TPM1: variants seen among roughly 807,000 people sequenced by gnomAD.
TPM1 encodes tropomyosin alpha-1 chain.
Under a neutral mutation model 42.9 loss-of-function variants are expected in TPM1, and 24 were observed. That is an observed-to-expected ratio of 0.56 (90% confidence interval 0.41 to 0.79). The LOEUF (loss-of-function observed/expected upper bound fraction) is 0.79. TPM1 is among the 30% of genes least tolerant of loss of function. TPM1 has a pLI of 0.00. For synonymous variants in TPM1, 136 were observed against 130.1 expected (o/e 1.05, Z -0.31); for missense variants, 158 against 351.8 (o/e 0.45, Z 4.41).
At chr15:63,071,512 C>G (rs935546326) in exon 9 of TPM1, 3 of 359,294 alleles carry the variant, frequency 8.3e-6, no homozygotes, top group African/African-American at 6.4e-5. Flanking sequence ...ATGTTGGAAA[C>G]ACAATCAGGT....
chr15:63,064,528 T>G lies in TPM1; in HGVS notation c.851+386T>G, dbSNP rs988222095. 2.8e-6 allele frequency: 3 copies of G among 1,079,332 alleles called. No homozygotes were observed. In the African/African-American group the frequency reaches 5.0e-5, roughly 18 times the overall value. 66.9% of individuals were successfully genotyped at this position (1,079,332 alleles called of 1,614,324 possible). On this transcript the variant is annotated intron_variant, in intron 9 of 9. Coordinates refer to ENST00000403994, the MANE Select transcript of TPM1 (RefSeq NM_001018005.2). ...ATTTGTTTCCTGAAATTCAACTAAG[T>G]ACAACATAATCATTTTCGTTAAATA...
At chr15:63,061,659 C>T (rs1457084732) in intron 5 of TPM1, 54 bp from the exon 6 acceptor site, 3 of 1,542,828 alleles carry the variant, frequency 1.9e-6, no homozygotes, top group Non-Finnish European at 2.7e-6. Context: ...CTTTTTCTCT[C>T]CTCCTTCCTT....
downstream of TPM1, chr15:63,069,774 G>C: frequency 6.7e-7 from 1 of 1,493,968 alleles, no homozygotes; most frequent in Non-Finnish European, 9.3e-7. Flanking sequence ...CCTGCTTGAG[G>C]TCTCTTTGTG....
downstream of TPM1, among the ~76,000 whole-genome samples, chr15:63,066,939 G>C (rs1014161007): frequency 2.0e-5 from 3 of 151,734 alleles, no homozygotes; most frequent in African/African-American, 7.3e-5. Context: ...TTGTTCAGAA[G>C]ACAATTGTAT....
chr15:63,052,285 G>T (rs961369385), intron 2 of TPM1, among the ~76,000 whole-genome samples: 2 of 152,176 alleles, frequency 1.3e-5, no homozygotes, highest in Non-Finnish European at 2.9e-5. Context: ...CACTTTGGGC[G>T]GCCGAGACGG....
At chr15:63,048,538 C>T (rs2033012247) in intron 2 of TPM1, 4 of 1,512,752 alleles carry the variant, frequency 2.6e-6, no homozygotes, top group Non-Finnish European at 3.5e-6. Context: ...GCCGGCCTCT[C>T]CCACTGCAGC....
At chr15:63,043,798 C>T (rs1284249879) in intron 1 of TPM1, 3 of 1,549,530 alleles carry the variant, frequency 1.9e-6, no homozygotes, top group Non-Finnish European at 8.7e-7. Context: ...AGGCGGAGGA[C>T]AGCCTCCTGG....
chr15:63,043,069 GCCAGGGC>G (rs2031508672), intron 1 of TPM1, 126 bp downstream of exon 1: 1 of 802,898 alleles, frequency 1.2e-6, no homozygotes, highest in Admixed American at 2.2e-5. Flanking sequence ...ACCCAGGGCG[GCCAGGGC>G]GCGCGTCTGG....
intron 2 of TPM1, among the ~76,000 whole-genome samples, chr15:63,055,040 C>G (rs1007525814): frequency 1.4e-5 from 2 of 139,584 alleles, no homozygotes; most frequent in Non-Finnish European, 3.1e-5. Flanking sequence ...AAAAAAAAAG[C>G]CTAATGGTTT....
chr15:63,070,803 G>T (rs749317017), downstream of TPM1: 227 of 1,230,286 alleles, frequency 1.8e-4, no homozygotes, highest in Non-Finnish European at 2.3e-4. Context: ...ACGGCACACC[G>T]TCAGTGAACC....
chr15:63,063,108 T>G (rs1165250136), intron 8 of TPM1: 1 of 978,032 alleles, frequency 1.0e-6, no homozygotes, highest in Admixed American at 6.1e-5. Flanking sequence ...AACAAAATAC[T>G]TTATATCCTG....
At chr15:63,058,377 G>A (rs1419629892) in intron 3 of TPM1, among the ~76,000 whole-genome samples, 2 of 152,122 alleles carry the variant, frequency 1.3e-5, no homozygotes, top group Non-Finnish European at 2.9e-5. Flanking sequence ...CCAAGACTCC[G>A]ACCCAGATCT....
rs201873332 is a variant in TPM1 at position 63,062,284 on chromosome 15, T to C, written c.702+7T>C. ...TTCCGACAAGCTGAAGGAGGTAATA[T>C]GAGAGTTGTGGATGAAGCCAACTGG... is the stretch of plus-strand genomic sequence containing the variant. On this transcript the variant is annotated splice_region_variant and intron_variant, in intron 7 of 9. Transcript: ENST00000403994. The C allele has an allele frequency of 6.2e-7, 1 of 1,613,534 alleles. No individual in the cohort carries two copies. Among genetic ancestry groups the C allele is most frequent in the Non-Finnish European group, 8.5e-7 (1 of 1,179,460 alleles).
chr15:63,071,020 C>T, downstream of TPM1: 1 of 1,607,626 alleles, frequency 6.2e-7, no homozygotes, highest in South Asian at 1.1e-5. Flanking sequence ...GTTTGCCTGC[C>T]TAAATGTACA....
At chr15:63,065,635 G>T (rs921727610) in intron 9 of TPM1, 3 of 985,022 alleles carry the variant, frequency 3.0e-6, no homozygotes, top group African/African-American at 3.5e-5. Context: ...TCTGAAAGAC[G>T]AGTGTAGCTT....
In TPM1 at chr15:63,056,977, C is replaced by T. The variant is rs765893032; in HGVS notation, c.241-8C>T. 14 of 1,614,148 alleles carry T rather than the reference C, an allele frequency of 8.7e-6. No individual in the cohort carries two copies. Among genetic ancestry groups the T allele is most frequent in the Non-Finnish European group, 1.2e-5 (14 of 1,179,988 alleles). Reference sequence around the variant, plus strand: ...CCAACTCTGAAATGCTTTTCACTCTCTACCTAGGCTGAAGCCGACGTAGCT... The same window carrying T: ...CCAACTCTGAAATGCTTTTCACTCTTTACCTAGGCTGAAGCCGACGTAGCT... On this transcript the variant is annotated splice_region_variant and splice_polypyrimidine_tract_variant and intron_variant, in intron 2 of 9. Coordinates refer to ENST00000403994, the MANE Select transcript of TPM1 (RefSeq NM_001018005.2).
At chr15:63,064,376 C>A in intron 9 of TPM1, 1 of 1,395,818 alleles carries the variant, frequency 7.2e-7, no homozygotes. Context: ...TTTGTAAACG[C>A]TGAACTAGAG....
At chr15:63,064,928 C>G (rs921256432) in intron 9 of TPM1, 2 of 914,944 alleles carry the variant, frequency 2.2e-6, no homozygotes, top group Admixed American at 1.2e-4. Context: ...GATCGCACCA[C>G]CGCACTCCAG....
At chr15:63,065,589 T>C (rs2036187434) in intron 9 of TPM1, 22 of 985,274 alleles carry the variant, frequency 2.2e-5, no homozygotes, top group Non-Finnish European at 2.5e-5. Context: ...GGTGATTCTT[T>C]GGGAAAAACT....
Sources: allele counts gnomAD v4.1 joint callset (sites outside exome capture counted in the v4.1 genomes callset), GRCh38; gene constraint gnomAD v4.1.1; transcripts MANE v1.5; gene names NCBI Gene and HGNC (gene_info 2026-07-23, HGNC 2026-07-21).